The following KLHL29 variants were observed in gnomAD, a reference collection of about 807,000 sequenced individuals.
KLHL29 encodes kelch-like protein 29.
Under a neutral mutation model 80.4 loss-of-function variants are expected in KLHL29, and 21 were observed. The observed-to-expected ratio is 0.26, with a 90% CI of 0.19 to 0.38. KLHL29 has a LOEUF of 0.38. Ranked by LOEUF, KLHL29 falls within the 10% of genes least tolerant of loss-of-function variation. KLHL29 has a pLI of 1.00. For synonymous variants in KLHL29, 511 were observed against 526.8 expected, an observed-to-expected ratio of 0.97 and a Z score of 0.41; for missense variants, 867 against 1,223.9, an observed-to-expected ratio of 0.71 and a Z score of 4.35.
intron 2 of KLHL29, among the ~76,000 whole-genome samples, chr2:23,485,625 G>A (rs1664914276): frequency 6.6e-6 from 1 of 152,194 alleles, no homozygotes; most frequent in Non-Finnish European, 1.5e-5. Context: ...TGTTTAGAAA[G>A]GTATGTTCCA....
chr2:23,539,786 A>C (rs531370659), intron 2 of KLHL29, among the ~76,000 whole-genome samples: 58 of 151,904 alleles, frequency 3.8e-4, no homozygotes, highest in African/African-American at 1.4e-3. Flanking sequence ...GTATTTCCTC[A>C]TTCTCTTTTT....
At chr2:23,656,655 G>A (rs1176026093) in intron 5 of KLHL29, among the ~76,000 whole-genome samples, 66 of 152,286 alleles carry the variant, frequency 4.3e-4, no homozygotes, top group Non-Finnish European at 1.5e-5. Flanking sequence ...TGTCTGTGAT[G>A]CCCGCTTAAG....
At chr2:23,413,193 C>T (rs976902469) in intron 1 of KLHL29, among the ~76,000 whole-genome samples, 5 of 152,162 alleles carry the variant, frequency 3.3e-5, no homozygotes, top group African/African-American at 1.2e-4. Flanking sequence ...CTAAAAGGAT[C>T]AAGGCAGCTC....
chr2:23,389,621 G>T (rs944651123), intron 1 of KLHL29, among the ~76,000 whole-genome samples: 1 of 151,950 alleles, frequency 6.6e-6, no homozygotes, highest in Non-Finnish European at 1.5e-5. Flanking sequence ...CTGGAGCCCA[G>T]GAAGTTGAGG....
intron 3 of KLHL29, among the ~76,000 whole-genome samples, chr2:23,631,950 C>A (rs987517336): frequency 6.6e-6 from 1 of 152,184 alleles, no homozygotes; most frequent in African/African-American, 2.4e-5. Context: ...CAAAGACTTT[C>A]ATTGATCCCC....
chr2:23,627,565 T>C (rs562983165), intron 3 of KLHL29, among the ~76,000 whole-genome samples: 132 of 152,298 alleles, frequency 8.7e-4, no homozygotes, highest in Admixed American at 3.7e-3. Context: ...ACAATAAAAC[T>C]GTAGTAGCTC....
intron 2 of KLHL29, among the ~76,000 whole-genome samples, chr2:23,510,110 G>C (rs776433579): frequency 3.3e-5 from 5 of 152,082 alleles, no homozygotes; most frequent in Non-Finnish European, 7.4e-5. Context: ...GACGGAGGTG[G>C]AGCTGAGAGC....
intron 3 of KLHL29, among the ~76,000 whole-genome samples, chr2:23,588,620 A>G (rs866725206): frequency 2.0e-5 from 3 of 152,186 alleles, no homozygotes; most frequent in African/African-American, 4.8e-5. Flanking sequence ...ATTCCCAGAC[A>G]TTGCCTCTCC....
At chr2:23,534,763 T>G (rs983772489) in intron 2 of KLHL29, among the ~76,000 whole-genome samples, 3 of 152,170 alleles carry the variant, frequency 2.0e-5, no homozygotes, top group Non-Finnish European at 4.4e-5. Context: ...AAAACTTCCC[T>G]TGACAGACTA....
intron 1 of KLHL29, among the ~76,000 whole-genome samples, chr2:23,392,849 A>G (rs1185211315): frequency 6.6e-6 from 1 of 152,216 alleles, no homozygotes; most frequent in South Asian, 2.1e-4. Flanking sequence ...ACTAATTAAC[A>G]TTTTATGTAA....
intron 5 of KLHL29, 167 bp downstream of exon 5, chr2:23,643,017 G>T: frequency 2.4e-6 from 2 of 826,794 alleles, no homozygotes; most frequent in Non-Finnish European, 4.1e-6. Context: ...ACTGGCCTGA[G>T]ATGGGGGAGG....
intron 2 of KLHL29, among the ~76,000 whole-genome samples, chr2:23,486,468 C>T (rs1017074673): frequency 1.3e-5 from 2 of 151,988 alleles, no homozygotes; most frequent in African/African-American, 2.4e-5. Flanking sequence ...GATTTATGAT[C>T]GATCCCCAAG....
At chr2:23,405,484 C>T (rs779428101) in intron 1 of KLHL29, among the ~76,000 whole-genome samples, 8 of 152,216 alleles carry the variant, frequency 5.3e-5, no homozygotes, top group Non-Finnish European at 7.3e-5. Flanking sequence ...GGAAAATTTG[C>T]TGCATTATCT....
At chr2:23,613,283 T>G (rs1188304576) in intron 3 of KLHL29, among the ~76,000 whole-genome samples, 1 of 152,134 alleles carries the variant, frequency 6.6e-6, no homozygotes, top group East Asian at 1.9e-4. Flanking sequence ...CAGACTGAAA[T>G]TTTAAATTCT....
chr2:23,418,690 G>C (rs1047367646), intron 1 of KLHL29, among the ~76,000 whole-genome samples: 3 of 152,142 alleles, frequency 2.0e-5, no homozygotes, highest in Non-Finnish European at 2.9e-5. Flanking sequence ...GGGGGCCCAG[G>C]GATGCTGGGG....
In KLHL29 at chr2:23,524,504, C is replaced by T. The variant is rs563764540; in HGVS notation, c.-45-37648C>T. 6.6e-5 allele frequency among the ~76,000 whole-genome samples: 10 copies of T among 152,308 alleles called. No homozygotes were observed. In the South Asian group the frequency reaches 2.1e-3, roughly 32 times the overall value. ...GTGCACTGGTGCCAGGGTGGCCACA[C>T]GGCTGGCAGGCCAGTGGGCTGGGTG... is the stretch of plus-strand genomic sequence containing the variant. On this transcript the variant is annotated intron_variant, in intron 2 of 13. Coordinates refer to ENST00000486442, the MANE Select transcript of KLHL29 (RefSeq NM_052920.2).
chr2:23,559,361 T>C (rs1294180482), intron 2 of KLHL29, among the ~76,000 whole-genome samples: 1 of 152,072 alleles, frequency 6.6e-6, no homozygotes, highest in East Asian at 1.9e-4. Context: ...TAAAGTGTCA[T>C]GATCATATTT....
chr2:23,593,452 C>T (rs1668317848), intron 3 of KLHL29, among the ~76,000 whole-genome samples: 1 of 152,306 alleles, frequency 6.6e-6, no homozygotes, highest in South Asian at 2.1e-4. Context: ...AGCCCGGTCT[C>T]CAGGCCTATG....
chr2:23,536,067 A>C (rs1479423574), intron 2 of KLHL29, among the ~76,000 whole-genome samples: 1 of 152,146 alleles, frequency 6.6e-6, no homozygotes, highest in Non-Finnish European at 1.5e-5. Context: ...CTGAGAATCA[A>C]AATGTGGGAA....
Sources: gnomAD v4.1 joint callset for allele counts (sites outside exome capture counted in the v4.1 genomes callset) on GRCh38, gnomAD v4.1.1 for gene constraint, MANE v1.5 for transcripts, NCBI Gene and HGNC (gene_info 2026-07-23, HGNC 2026-07-21) for gene names.